Variants in HS6ST3 observed in about 807,000 individuals in gnomAD.
HS6ST3 encodes heparan-sulfate 6-O-sulfotransferase 3.
Under a neutral mutation model 36.7 loss-of-function variants are expected in HS6ST3, and 12 were observed. That is an observed-to-expected ratio of 0.33 (90% CI 0.21 to 0.53). The LOEUF is 0.53. HS6ST3 is among the 20% of genes least tolerant of loss of function. The pLI, the probability that HS6ST3 is intolerant of heterozygous loss-of-function variation, is 0.95. For synonymous variants in HS6ST3, 240 were observed against 257.5 expected, an observed-to-expected ratio of 0.93 and a Z score of 0.65; for missense variants, 584 against 640.9, an observed-to-expected ratio of 0.91 and a Z score of 0.96.
intron 1 of HS6ST3, among the ~76,000 whole-genome samples, chr13:96,255,699 A>C (rs1186354723): frequency 6.6e-6 from 1 of 152,170 alleles, no homozygotes; most frequent in Non-Finnish European, 1.5e-5. Flanking sequence ...AAGAGTGCTA[A>C]AACTAGCCTT....
chr13:96,739,219 TTGTGTG>T (rs3138578), intron 1 of HS6ST3, among the ~76,000 whole-genome samples: 11,846 of 125,568 alleles, frequency 0.094, 646 homozygotes, highest in South Asian at 0.16. Context: ...CGACATTTGC[TTGTGTG>T]TGTGTGTGTG....
intron 1 of HS6ST3, among the ~76,000 whole-genome samples, chr13:96,741,569 C>T (rs1278934033): frequency 1.3e-5 from 2 of 152,106 alleles, no homozygotes; most frequent in African/African-American, 4.8e-5. Flanking sequence ...GTTGCCAGGA[C>T]AGACCATCCA....
intron 1 of HS6ST3, among the ~76,000 whole-genome samples, chr13:96,436,943 T>G (rs2139477944): frequency 6.8e-6 from 1 of 147,774 alleles, no homozygotes; most frequent in African/African-American, 2.5e-5. Context: ...GTGGAGGGCA[T>G]TAAAGGCAGA....
chr13:96,755,183 C>T (rs1223713274), intron 1 of HS6ST3, among the ~76,000 whole-genome samples: 1 of 151,900 alleles, frequency 6.6e-6, no homozygotes, highest in Non-Finnish European at 1.5e-5. Flanking sequence ...TGTAGATAAG[C>T]CATTGTCTTG....
intron 1 of HS6ST3, among the ~76,000 whole-genome samples, chr13:96,141,809 A>G (rs1370134758): frequency 6.6e-6 from 1 of 152,108 alleles, no homozygotes; most frequent in South Asian, 2.1e-4. Flanking sequence ...TACTCTATGG[A>G]AAGAATTGTC....
chr13:96,168,884 T>G (rs1189183140), intron 1 of HS6ST3, among the ~76,000 whole-genome samples: 1 of 152,102 alleles, frequency 6.6e-6, no homozygotes, highest in Non-Finnish European at 1.5e-5. Context: ...ATAGTGAACA[T>G]TGTACCAAAT....
chr13:96,619,094 T>C (rs998283140), intron 1 of HS6ST3, among the ~76,000 whole-genome samples: 2 of 152,192 alleles, frequency 1.3e-5, no homozygotes, highest in Non-Finnish European at 2.9e-5. Flanking sequence ...AGTCAAATTG[T>C]ATTCTTTGCC....
intron 1 of HS6ST3, among the ~76,000 whole-genome samples, chr13:96,598,664 T>C (rs1399774758): frequency 6.6e-6 from 1 of 152,186 alleles, no homozygotes; most frequent in Non-Finnish European, 1.5e-5. Context: ...ATGTCCTTTA[T>C]TTCTTTCTAC....
chr13:96,367,260 TTAAG>T (rs1238945767), intron 1 of HS6ST3, among the ~76,000 whole-genome samples: 1 of 152,168 alleles, frequency 6.6e-6, no homozygotes, highest in Non-Finnish European at 1.5e-5. Flanking sequence ...TGGTAAAACT[TTAAG>T]TAACCCTGAA....
At chr13:96,405,520 G>A (rs2055473089) in intron 1 of HS6ST3, among the ~76,000 whole-genome samples, 1 of 152,142 alleles carries the variant, frequency 6.6e-6, no homozygotes, top group South Asian at 2.1e-4. Flanking sequence ...AGGAATATCA[G>A]TGAATGGAAT....
At chr13:96,733,278 C>T (rs1876204892) in intron 1 of HS6ST3, among the ~76,000 whole-genome samples, 1 of 152,082 alleles carries the variant, frequency 6.6e-6, no homozygotes, top group African/African-American at 2.4e-5. Context: ...TGTCATCTAT[C>T]GACTTTGTTG....
At chr13:96,735,949 C>G (rs1400819351) in intron 1 of HS6ST3, among the ~76,000 whole-genome samples, 2 of 152,076 alleles carry the variant, frequency 1.3e-5, no homozygotes, top group Non-Finnish European at 2.9e-5. Flanking sequence ...CCATTATCCT[C>G]AGGAAACTAA....
intron 1 of HS6ST3, among the ~76,000 whole-genome samples, chr13:96,802,643 C>G (rs948404759): frequency 2.6e-5 from 4 of 152,150 alleles, no homozygotes; most frequent in African/African-American, 9.7e-5. Flanking sequence ...CATTCCCAAA[C>G]CATTCAGGAA....
intron 1 of HS6ST3, among the ~76,000 whole-genome samples, chr13:96,515,004 A>G (rs766715652): frequency 2.0e-5 from 3 of 152,216 alleles, no homozygotes; most frequent in Admixed American, 6.5e-5. Flanking sequence ...GGCAACAATG[A>G]TTATGCACTA....
chr13:96,398,206 A>C (rs1247940905), intron 1 of HS6ST3, among the ~76,000 whole-genome samples: 1 of 152,210 alleles, frequency 6.6e-6, no homozygotes, highest in Non-Finnish European at 1.5e-5. Flanking sequence ...GTTTCTTGTC[A>C]TGGCAACTAT....
intron 1 of HS6ST3, among the ~76,000 whole-genome samples, chr13:96,248,688 G>C (rs2054594748): frequency 2.0e-5 from 3 of 152,104 alleles, no homozygotes; most frequent in Admixed American, 2.0e-4. Flanking sequence ...CATATTTGAG[G>C]ACATTGGACA....
chr13:96,504,517 G>A (rs2138915285), intron 1 of HS6ST3, among the ~76,000 whole-genome samples: 1 of 152,082 alleles, frequency 6.6e-6, no homozygotes. Context: ...GTAACAGAGA[G>A]AGACAGTCGG....
intron 1 of HS6ST3, among the ~76,000 whole-genome samples, chr13:96,235,550 T>G (rs962000575): frequency 4.6e-5 from 7 of 152,160 alleles, no homozygotes; most frequent in African/African-American, 1.7e-4. Flanking sequence ...AACAAAAAGT[T>G]TTCAGTGAAA....
chr13:96,430,097 G>A (rs190511509), intron 1 of HS6ST3, among the ~76,000 whole-genome samples: 35 of 152,274 alleles, frequency 2.3e-4, no homozygotes, highest in African/African-American at 5.3e-4. Context: ...TGCAGCTAGC[G>A]TCTTAGCATA....
Sources: allele counts gnomAD v4.1 joint callset (sites outside exome capture counted in the v4.1 genomes callset), GRCh38; gene constraint gnomAD v4.1.1; transcripts MANE v1.5; gene names NCBI Gene and HGNC (gene_info 2026-07-23, HGNC 2026-07-21).